The following EFTUD2 variants were observed in gnomAD, a reference collection of about 807,000 sequenced individuals.
EFTUD2 encodes the protein 116 kDa U5 small nuclear ribonucleoprotein component.
In EFTUD2, 9 loss-of-function variants were observed where a neutral mutation model predicts 114.3. The ratio of observed to expected loss-of-function variants is 0.08; its 90% confidence interval spans 0.05 to 0.14. EFTUD2 has a LOEUF of 0.14. EFTUD2 is among the 10% of genes least tolerant of loss of function. The pLI, the probability that EFTUD2 is intolerant of heterozygous loss-of-function variation, is 1.00. For synonymous variants in EFTUD2, 449 were observed against 462.3 expected (o/e 0.97, Z 0.37); for missense variants, 765 against 1,241.2 (o/e 0.62, Z 5.76).
At chr17:44,881,813 T>C in intron 6 of EFTUD2, 91 bp from the exon 7 acceptor site, 1 of 1,233,228 alleles carries the variant, frequency 8.1e-7, no homozygotes, top group Non-Finnish European at 1.2e-6. Flanking sequence ...ACCTCCCAGC[T>C]CAAGGGTTTC....
intron 19 of EFTUD2, among the ~76,000 whole-genome samples, chr17:44,858,248 T>C (rs568704435): frequency 1.3e-5 from 2 of 152,166 alleles, no homozygotes; most frequent in Non-Finnish European, 2.9e-5. Flanking sequence ...AATGCATTTA[T>C]TTTTTGAGAC....
chr17:44,851,656 C>T, intron 27 of EFTUD2, 54 bp downstream of exon 27: 1 of 1,469,822 alleles, frequency 6.8e-7, no homozygotes. Flanking sequence ...AGAGATCCTG[C>T]TTCTGAGAGT....
intron 2 of EFTUD2, among the ~76,000 whole-genome samples, chr17:44,891,575 C>CCTCAAACTCCTCAAA (rs1378794068): frequency 3.3e-5 from 5 of 152,172 alleles, no homozygotes; most frequent in Admixed American, 2.6e-4. Context: ...GTCTCAAACT[C>CCTCAAACTCCTCAAA]CTCGGTTCAA....
At chr17:44,883,297 A>C (rs898474948) in intron 5 of EFTUD2, 139 bp from the exon 6 acceptor site, 5 of 683,698 alleles carry the variant, frequency 7.3e-6, no homozygotes, top group Non-Finnish European at 1.3e-5. Flanking sequence ...GACAGCAAAT[A>C]ATTAACACTG....
intron 9 of EFTUD2, among the ~76,000 whole-genome samples, chr17:44,876,689 A>G (rs1041838982): frequency 1.3e-5 from 2 of 151,882 alleles, no homozygotes; most frequent in Non-Finnish European, 2.9e-5. Context: ...TGTCTCGACT[A>G]AAAATACAAA....
intron 18 of EFTUD2, chr17:44,859,641 G>A (rs951561663): frequency 7.7e-5 from 40 of 518,398 alleles, no homozygotes; most frequent in East Asian, 2.9e-4. Context: ...ACACAAATAC[G>A]CACACACACA....
At position 44,852,422 on chromosome 17, in the gene EFTUD2, A is replaced by C. The variant is rs781711975; in HGVS notation, c.2702T>G (p.Phe901Cys). Reference protein sequence around the residue: ...TQGQAFSLSVFHHWQIVPGDP... With the variant: ...TQGQAFSLSVCHHWQIVPGDP... ...TTGCTTTCTCACCTGCCAGTGGTGG[A>C]AGACAGACAGAGAAAAGGCTTGTCC... The change falls in exon 26 of 28, where the codon TTC becomes TGC. Residue 901 changes from phenylalanine (F) to cysteine (C), a missense_variant. By Grantham distance (205) the Phe-to-Cys change is radical. Coordinates refer to ENST00000426333, the MANE Select transcript of EFTUD2 (RefSeq NM_004247.4). The C allele has an allele frequency of 1.2e-6, 2 of 1,614,040 alleles. No homozygotes were observed.
intron 27 of EFTUD2, 107 bp downstream of exon 27, chr17:44,851,603 T>C (rs889347021): frequency 2.8e-5 from 33 of 1,192,126 alleles, no homozygotes; most frequent in Middle Eastern, 2.8e-4. Flanking sequence ...TATCTCTACA[T>C]TGGAAAAGTG....
intron 12 of EFTUD2, 98 bp downstream of exon 12, chr17:44,868,189 A>AT: frequency 2.7e-6 from 3 of 1,111,920 alleles, no homozygotes; most frequent in Non-Finnish European, 3.8e-6. Flanking sequence ...AAAAAAAAAA[A>AT]GTAGGTATTT....
intron 1 of EFTUD2, 31 bp downstream of exon 1, chr17:44,899,338 C>A (rs2051468393): frequency 6.6e-6 from 1 of 152,300 alleles, no homozygotes; most frequent in Non-Finnish European, 1.5e-5. Context: ...CTGGAGCAAC[C>A]CTTCCGTGCC....
intron 2 of EFTUD2, among the ~76,000 whole-genome samples, chr17:44,888,774 G>C (rs145671268): frequency 6.6e-6 from 1 of 152,298 alleles, no homozygotes; most frequent in Non-Finnish European, 1.5e-5. Context: ...GAGCAGGTTG[G>C]GGGAGCAGGG....
rs148040842 is a variant in EFTUD2, at chr17:44,863,723, T to A, written c.1345A>T (p.Ile449Phe). ...ACACCACCGGTGTAGGTGTGCTCAA[T>A]CTTGGGCTTGGCGCCCACCTTTGGA... ...PSPKVGAKPKIEHTYTGGVDS... is the reference protein window; with the variant it reads ...PSPKVGAKPKFEHTYTGGVDS... Residue 449 changes from isoleucine (I) to phenylalanine (F), a missense_variant, in exon 15 of 28, where the codon ATT (isoleucine) becomes TTT (phenylalanine). By Grantham distance (21) the Ile-to-Phe change is conservative. Coordinates refer to ENST00000426333, the MANE Select transcript of EFTUD2 (RefSeq NM_004247.4). 2 of 1,614,072 alleles carry A rather than the reference T, an allele frequency of 1.2e-6. No individual in the cohort carries two copies. Among genetic ancestry groups the A allele is most frequent in the African/African-American group, 2.7e-5 (2 of 74,926 alleles).
chr17:44,863,778 A>G lies in EFTUD2; in HGVS notation c.1290T>C (p.Phe430=), dbSNP rs199742413. 6.2e-7 allele frequency: 1 copy of G among 1,613,960 alleles called. No homozygotes were observed. Among genetic ancestry groups the G allele is most frequent in the Non-Finnish European group, 8.5e-7 (1 of 1,179,892 alleles). The change falls in exon 15 of 28, where the codon TTT becomes TTC. Residue 430 remains phenylalanine, a synonymous_variant. Transcript: ENST00000426333. ...CKKFFGEFTG[F]VDMCVQHIPS... The stretch of plus-strand genomic sequence containing the variant: ...GGATATGCTGCACACACATGTCCAC[A>G]AAGCCTGTGGATGGAGAAGAGAAAG...
chr17:44,873,772 C>T (rs971916427), intron 10 of EFTUD2, among the ~76,000 whole-genome samples: 21 of 149,192 alleles, frequency 1.4e-4, no homozygotes, highest in African/African-American at 5.2e-4. Flanking sequence ...TGCTCTGTTG[C>T]CCAGGCTGGA....
intron 3 of EFTUD2, 107 bp from the exon 4 acceptor site, chr17:44,885,441 A>ATAC: frequency 1.3e-6 from 1 of 788,472 alleles, no homozygotes; most frequent in Non-Finnish European, 2.2e-6. Context: ...GTATGACATC[A>ATAC]ATTTATTTTA....
At chr17:44,892,484 T>C (rs2051296397) in intron 2 of EFTUD2, among the ~76,000 whole-genome samples, 1 of 152,126 alleles carries the variant, frequency 6.6e-6, no homozygotes, top group African/African-American at 2.4e-5. Context: ...CCATGTTCTT[T>C]TCACTAGGAC....
intron 10 of EFTUD2, 52 bp from the exon 11 acceptor site, chr17:44,872,622 C>A: frequency 6.5e-7 from 1 of 1,534,230 alleles, no homozygotes; most frequent in Non-Finnish European, 8.8e-7. Context: ...AGCCCGGACG[C>A]ACTGCCAAGG....
At chr17:44,884,788 G>T in intron 4 of EFTUD2, among the ~76,000 whole-genome samples, 1 of 152,246 alleles carries the variant, frequency 6.6e-6, no homozygotes, top group African/African-American at 2.4e-5. Flanking sequence ...TCAGGAGGCT[G>T]AGGCAGACAC....
At position 44,851,049 on chromosome 17, in the gene EFTUD2, T is replaced by C. The variant is rs2050438723; in HGVS notation, c.*225A>G. 3.9e-6 allele frequency: 2 copies of C among 507,126 alleles called. No homozygotes were observed. The highest frequency in any genetic ancestry group is 7.1e-6 in the Non-Finnish European group (2 of 281,220). The allele number at this position is 507,126 out of a possible 1,614,324, so 31.4% of individuals were successfully genotyped here. A position where few individuals can be genotyped will look rare whatever the true frequency, so the allele number is the denominator to read the frequency against. On this transcript the variant is annotated 3_prime_UTR_variant, in exon 28 of 28. Coordinates refer to ENST00000426333, the MANE Select transcript of EFTUD2 (RefSeq NM_004247.4). Reference sequence around the variant, plus strand: ...TTCTGTGAGCCCAAGCTCCTCTCTTTTCCTTGGGAATGGAGCCCGGCAGAG... The same window carrying C: ...TTCTGTGAGCCCAAGCTCCTCTCTTCTCCTTGGGAATGGAGCCCGGCAGAG...
Sources: gnomAD v4.1 joint callset for allele counts (sites outside exome capture counted in the v4.1 genomes callset) on GRCh38, gnomAD v4.1.1 for gene constraint, MANE v1.5 for transcripts, NCBI Gene and HGNC (gene_info 2026-07-23, HGNC 2026-07-21) for gene names.